Variants in STXBP6 observed in about 807,000 individuals in gnomAD.
STXBP6 encodes syntaxin-binding protein 6.
A neutral mutation model predicts 26.9 loss-of-function variants in STXBP6; 21 were observed. The observed-to-expected ratio is 0.78, with a 90% CI of 0.55 to 1.12. STXBP6 has a LOEUF of 1.12. STXBP6 is among the 50% of genes most tolerant of loss of function. The pLI is 0.00. For missense variants in STXBP6, 232 were observed against 257.9 expected, an observed-to-expected ratio of 0.90 and a Z score of 0.69; for synonymous variants, 97 against 92.6, an observed-to-expected ratio of 1.05 and a Z score of -0.27.
chr14:25,045,609 T>C (rs1271916080), intron 1 of STXBP6, among the ~76,000 whole-genome samples: 1 of 150,228 alleles, frequency 6.7e-6, no homozygotes, highest in East Asian at 1.9e-4. Flanking sequence ...TCTTTTCTTT[T>C]TTTTTTTTTT....
At chr14:24,948,917 A>G (rs1004363880) in intron 2 of STXBP6, among the ~76,000 whole-genome samples, 1 of 152,186 alleles carries the variant, frequency 6.6e-6, no homozygotes, top group African/African-American at 2.4e-5. Context: ...AGCATAAAAT[A>G]GGGAATACGA....
chr14:24,906,092 A>G (rs138665266), intron 2 of STXBP6, among the ~76,000 whole-genome samples: 1 of 152,216 alleles, frequency 6.6e-6, no homozygotes, highest in African/African-American at 2.4e-5. Flanking sequence ...TCTTGATTAA[A>G]TATTTGTTTC....
chr14:24,855,484 C>T (rs189418829), intron 4 of STXBP6, among the ~76,000 whole-genome samples: 138 of 152,044 alleles, frequency 9.1e-4, no homozygotes, highest in Non-Finnish European at 1.7e-3. Flanking sequence ...GGAATAAACA[C>T]GAGTTGCTTT....
At chr14:24,956,352 C>A (rs1028907867) in intron 2 of STXBP6, among the ~76,000 whole-genome samples, 1 of 152,122 alleles carries the variant, frequency 6.6e-6, no homozygotes, top group Non-Finnish European at 1.5e-5. Flanking sequence ...GTCTGAAACA[C>A]TACTAAGTTC....
chr14:24,881,500 TA>T (rs1422402531), intron 2 of STXBP6, among the ~76,000 whole-genome samples: 1 of 144,750 alleles, frequency 6.9e-6, no homozygotes, highest in Admixed American at 6.9e-5. Flanking sequence ...CAAGCTGAAG[TA>T]AAACAGCAGA....
At chr14:24,931,890 G>A (rs2072425876) in intron 2 of STXBP6, among the ~76,000 whole-genome samples, 1 of 152,160 alleles carries the variant, frequency 6.6e-6, no homozygotes, top group Non-Finnish European at 1.5e-5. Context: ...GAAGGCAGGA[G>A]GCTAACAAAA....
intron 1 of STXBP6, among the ~76,000 whole-genome samples, chr14:24,982,471 A>G (rs1362330498): frequency 6.6e-6 from 1 of 152,206 alleles, no homozygotes; most frequent in East Asian, 1.9e-4. Flanking sequence ...TCTTAGATGA[A>G]TAACTCTGGA....
chr14:24,819,049 T>C lies in STXBP6; in HGVS notation c.597A>G (p.Glu199=). The C allele has an allele frequency of 1.9e-6, 3 of 1,593,506 alleles. No individual in the cohort carries two copies. The change falls in exon 5 of 6, where the codon GAA becomes GAG. Residue 199 remains glutamate (E), a synonymous_variant. Coordinates refer to ENST00000323944, the MANE Select transcript of STXBP6 (RefSeq NM_001394410.1). ...TCTCTTGGCCCACCTTGTGCGCAGT[T>C]TCTGCAAACTGCTGGGCGCTGTTCT... The part of the protein sequence containing the change: ...DLKNSAQQFA[E]TAHKLAMKHK...
At chr14:24,955,774 C>A (rs1236903676) in intron 2 of STXBP6, among the ~76,000 whole-genome samples, 1 of 152,162 alleles carries the variant, frequency 6.6e-6, no homozygotes, top group Non-Finnish European at 1.5e-5. Context: ...GTGTGGGCAA[C>A]AGGAGACAAC....
intron 4 of STXBP6, among the ~76,000 whole-genome samples, chr14:24,854,660 C>A (rs1594968177): frequency 6.6e-6 from 1 of 152,054 alleles, no homozygotes; most frequent in Non-Finnish European, 1.5e-5. Context: ...TGGTCCTAAG[C>A]CTGGTGTGCT....
chr14:24,938,109 A>G (rs1409027468), intron 2 of STXBP6, among the ~76,000 whole-genome samples: 1 of 152,236 alleles, frequency 6.6e-6, no homozygotes, highest in African/African-American at 2.4e-5. Context: ...AACTTTAGGC[A>G]GGGGAAAATC....
intron 2 of STXBP6, among the ~76,000 whole-genome samples, chr14:24,881,626 C>T (rs2070359202): frequency 6.6e-6 from 1 of 152,192 alleles, no homozygotes; most frequent in East Asian, 1.9e-4. Context: ...TTTACATAAC[C>T]TCCCTGAAGG....
At chr14:24,982,657 C>T (rs753211092) in intron 1 of STXBP6, among the ~76,000 whole-genome samples, 17 of 152,204 alleles carry the variant, frequency 1.1e-4, no homozygotes, top group Non-Finnish European at 2.1e-4. Context: ...ATTATGTTCA[C>T]AGGATTCTCT....
At chr14:24,893,993 C>T (rs866025307) in intron 2 of STXBP6, among the ~76,000 whole-genome samples, 11 of 151,982 alleles carry the variant, frequency 7.2e-5, no homozygotes, top group Middle Eastern at 3.4e-3. Flanking sequence ...GTTATAGCAT[C>T]AAATCAGGGA....
At chr14:24,826,377 C>T (rs2138842762) in intron 4 of STXBP6, among the ~76,000 whole-genome samples, 1 of 152,262 alleles carries the variant, frequency 6.6e-6, no homozygotes, top group Middle Eastern at 3.4e-3. Flanking sequence ...GTGTTTGGCC[C>T]ATAGACACTG....
intron 1 of STXBP6, among the ~76,000 whole-genome samples, chr14:25,005,679 G>A (rs1308432866): frequency 6.6e-6 from 1 of 151,946 alleles, no homozygotes; most frequent in African/African-American, 2.4e-5. Flanking sequence ...GCATAAAAGG[G>A]ATTCGAACTC....
chr14:24,973,314 G>A (rs1274944653), intron 2 of STXBP6, among the ~76,000 whole-genome samples: 1 of 150,082 alleles, frequency 6.7e-6, no homozygotes, highest in Non-Finnish European at 1.5e-5. Flanking sequence ...TCCTTATTTG[G>A]AATAAACAGA....
At chr14:24,967,736 A>G (rs1348358654) in intron 2 of STXBP6, among the ~76,000 whole-genome samples, 2 of 152,344 alleles carry the variant, frequency 1.3e-5, no homozygotes, top group East Asian at 1.9e-4. Context: ...CCAATGTAGG[A>G]AAGTCTATTA....
chr14:24,866,443 GTA>G (rs1461936484), intron 2 of STXBP6, among the ~76,000 whole-genome samples: 2 of 152,078 alleles, frequency 1.3e-5, no homozygotes, highest in Non-Finnish European at 2.9e-5. Context: ...ATATGCGTGT[GTA>G]TATGTGTGTG....
Sources: gnomAD v4.1 joint callset for allele counts (sites outside exome capture counted in the v4.1 genomes callset) on GRCh38, gnomAD v4.1.1 for gene constraint, MANE v1.5 for transcripts, NCBI Gene and HGNC (gene_info 2026-07-23, HGNC 2026-07-21) for gene names.